The following POLR1A variants were observed in gnomAD, a reference collection of about 807,000 sequenced individuals.
The protein encoded by POLR1A is RNA polymerase I subunit A, also known as DNA-directed RNA polymerase I subunit RPA1.
A neutral mutation model predicts 205.3 loss-of-function variants in POLR1A; 84 were observed. The observed-to-expected ratio is 0.41, with a 90% CI of 0.34 to 0.49. POLR1A has a LOEUF of 0.49. Among genes scored for constraint, POLR1A ranks in the 20% least tolerant of loss-of-function variants. POLR1A has a pLI of 0.22. For missense variants in POLR1A, 1,645 were observed against 2,204.5 expected (o/e 0.75, Z 5.08); for synonymous variants, 799 against 863.7 (o/e 0.93, Z 1.31).
chr2:86,033,791 A>C lies in POLR1A; in HGVS notation c.4035-4T>G. ...TTCCATCAGAAGTTTAAAGAATCTA[A>C]AACAAGAAGAAAGCCAAAAAGCCCT... On this transcript the variant is annotated splice_polypyrimidine_tract_variant and splice_region_variant and intron_variant, in intron 27 of 33. Transcript: ENST00000263857. The C allele has an allele frequency of 3.1e-6, 5 of 1,613,850 alleles. No homozygotes were observed. The highest frequency in any genetic ancestry group is 4.2e-6 in the Non-Finnish European group (5 of 1,179,988).
chr2:86,105,714 C>G lies in POLR1A; in HGVS notation c.63G>C (p.Ser21=). The change falls in exon 1 of 34, where the codon TCG becomes TCC. Residue 21 remains serine, a synonymous_variant. Transcript: ENST00000263857. ...RLQGISFGMY[S]AEELKKLSVK... ...CAACTCCTTACTTGAGCTCTTCAGC[C>G]GAATACATCCCGAAGGAAATGCCCT... The G allele has an allele frequency of 6.2e-7, 1 of 1,613,222 alleles. No individual in the cohort carries two copies. The highest frequency in any genetic ancestry group is 8.5e-7 in the Non-Finnish European group (1 of 1,179,112).
chr2:86,067,936 ATAAAT>A (rs1480452363), intron 13 of POLR1A, among the ~76,000 whole-genome samples: 4 of 152,218 alleles, frequency 2.6e-5, no homozygotes, highest in Non-Finnish European at 5.9e-5. Flanking sequence ...GCTTTTTTCA[ATAAAT>A]TAATTTATTG....
intron 25 of POLR1A, chr2:86,039,963 C>T: frequency 5.2e-6 from 1 of 193,042 alleles, no homozygotes; most frequent in East Asian, 1.4e-4. Context: ...GGTCTGACCC[C>T]ACACTCATTC....
At chr2:86,067,165 T>C (rs1482803992) in intron 13 of POLR1A, among the ~76,000 whole-genome samples, 4 of 152,230 alleles carry the variant, frequency 2.6e-5, no homozygotes, top group African/African-American at 9.6e-5. Context: ...TTAAAGCAAT[T>C]ACTAAAGGTC....
At chr2:86,102,297 C>G (rs1021018861) in intron 1 of POLR1A, among the ~76,000 whole-genome samples, 4 of 152,212 alleles carry the variant, frequency 2.6e-5, no homozygotes, top group African/African-American at 9.6e-5. Context: ...CTTGCCAACA[C>G]TTACTACTTT....
chr2:86,045,534 T>C, intron 20 of POLR1A, 83 bp downstream of exon 20: 3 of 1,476,178 alleles, frequency 2.0e-6, no homozygotes, highest in South Asian at 2.3e-5. Flanking sequence ...TCTTCTGCCC[T>C]ACCCTGTAGG....
At chr2:86,071,228 A>ATGTGTGTGTGTG in intron 12 of POLR1A, among the ~76,000 whole-genome samples, 1 of 43,622 alleles carries the variant, frequency 2.3e-5, no homozygotes, top group African/African-American at 5.4e-5. Flanking sequence ...CTCCGTGTGC[A>ATGTGTGTGTGTG]TGTGTGTGTG....
chr2:86,046,705 A>G (rs1672716074), intron 19 of POLR1A, among the ~76,000 whole-genome samples: 1 of 151,970 alleles, frequency 6.6e-6, no homozygotes, highest in African/African-American at 2.4e-5. Context: ...TTAGCCAGGC[A>G]TGGTGGCGCA....
chr2:86,045,373 G>T lies in POLR1A; in HGVS notation c.2887-13C>A. 1 of 1,604,732 alleles carries T rather than the reference G, an allele frequency of 6.2e-7. No homozygotes were observed. Among genetic ancestry groups the T allele is most frequent in the Non-Finnish European group, 8.5e-7 (1 of 1,171,516 alleles). On this transcript the variant is annotated splice_polypyrimidine_tract_variant and intron_variant, in intron 20 of 33. Transcript: ENST00000263857. The stretch of plus-strand genomic sequence containing the variant: ...GGAAGAAGAACTCCTGCAGAGAATG[G>T]GACCCAGGTCCCAAAGGTGACAGTG...
At chr2:86,055,905 C>T (rs1008816409) in intron 14 of POLR1A, among the ~76,000 whole-genome samples, 7 of 152,118 alleles carry the variant, frequency 4.6e-5, no homozygotes, top group African/African-American at 1.7e-4. Context: ...CATTTCTATT[C>T]AACAATGTAC....
intron 9 of POLR1A, among the ~76,000 whole-genome samples, chr2:86,078,767 A>G (rs1434075725): frequency 6.6e-6 from 1 of 152,250 alleles, no homozygotes; most frequent in African/African-American, 2.4e-5. Context: ...TAGGTTTGCC[A>G]TACGATATTC....
chr2:86,052,817 C>T lies in POLR1A; in HGVS notation c.2392G>A (p.Gly798Ser). 1.3e-6 allele frequency: 2 copies of T among 1,528,420 alleles called. No individual in the cohort carries two copies. Among genetic ancestry groups the T allele is most frequent in the Non-Finnish European group, 8.8e-7 (1 of 1,134,772 alleles). The allele number at this position is 1,528,420 out of a possible 1,614,324, so 94.7% of individuals were successfully genotyped here. Residue 798 changes from glycine to serine, a missense_variant and splice_region_variant, in exon 16 of 34, where the codon GGC becomes AGC. Gly to Ser is a moderately conservative substitution (Grantham distance 56). This residue lies in a region of POLR1A where 339 missense variants were observed against 415.1 expected (regional missense o/e 0.82). Transcript: ENST00000263857. ...CCAGGGCAGCGAGCCCGGCACTTAC[C>T]CAAGGTGAAGCCTCTGTAGAGCTGC... is the stretch of plus-strand genomic sequence containing the variant. ...YLQLYRGFTL[G>S]VEDILVKPKA...
chr2:86,090,153 G>C (rs1673575918), intron 3 of POLR1A, among the ~76,000 whole-genome samples: 1 of 152,072 alleles, frequency 6.6e-6, no homozygotes, highest in Non-Finnish European at 1.5e-5. Flanking sequence ...CAGCACTTTG[G>C]GAGGCAGAGG....
chr2:86,045,492 T>G, intron 20 of POLR1A, 125 bp downstream of exon 20: 4 of 1,295,780 alleles, frequency 3.1e-6, no homozygotes, highest in Non-Finnish European at 4.4e-6. Flanking sequence ...CCTAGGACTT[T>G]TTGACCTCGA....
chr2:86,056,799 A>C (rs1485784197), intron 14 of POLR1A, among the ~76,000 whole-genome samples: 1 of 152,202 alleles, frequency 6.6e-6, no homozygotes. Flanking sequence ...ATCTGTTTAC[A>C]GCATGTTTTG....
chr2:86,029,879 T>C (rs1478677175), intron 31 of POLR1A, among the ~76,000 whole-genome samples: 2 of 152,024 alleles, frequency 1.3e-5, no homozygotes, highest in Non-Finnish European at 2.9e-5. Flanking sequence ...GGATTACAGG[T>C]GTGAACCACC....
chr2:86,088,105 A>G (rs528894464), intron 6 of POLR1A, among the ~76,000 whole-genome samples: 1 of 152,342 alleles, frequency 6.6e-6, no homozygotes, highest in South Asian at 2.1e-4. Flanking sequence ...TGAGGAAAGA[A>G]TTCTACCTGG....
At chr2:86,089,281 T>G (rs1307882344) in intron 4 of POLR1A, among the ~76,000 whole-genome samples, 1 of 152,224 alleles carries the variant, frequency 6.6e-6, no homozygotes, top group Non-Finnish European at 1.5e-5. Context: ...TCCAGCCACA[T>G]GAGTGGCTCT....
At chr2:86,033,268 T>G (rs1301934343) in intron 28 of POLR1A, among the ~76,000 whole-genome samples, 1 of 152,262 alleles carries the variant, frequency 6.6e-6, no homozygotes, top group African/African-American at 2.4e-5. Context: ...AGTGCCCTGG[T>G]GGGCCTCAGT....
Sources: allele counts gnomAD v4.1 joint callset (sites outside exome capture counted in the v4.1 genomes callset), GRCh38; gene constraint gnomAD v4.1.1; regional missense constraint gnomAD v4.1.1; transcripts MANE v1.5; gene names NCBI Gene and HGNC (gene_info 2026-07-23, HGNC 2026-07-21).